The following VAPA variants were observed in gnomAD, a reference collection of about 807,000 sequenced individuals.
The protein encoded by VAPA is VAMP associated protein A.
Under a neutral mutation model 25.6 loss-of-function variants are expected in VAPA, and 6 were observed. The ratio of observed to expected loss-of-function variants is 0.23; its 90% CI spans 0.13 to 0.46. The LOEUF is 0.46. Among genes scored for constraint, VAPA ranks in the 20% least tolerant of loss-of-function variants. The pLI is 0.99. For synonymous variants in VAPA, 112 were observed against 106.2 expected, an observed-to-expected ratio of 1.05 and a Z score of -0.34; for missense variants, 244 against 302.1, an observed-to-expected ratio of 0.81 and a Z score of 1.43.
chr18:9,936,463 C>A (rs2069311100), intron 3 of VAPA: 1 of 265,916 alleles, frequency 3.8e-6, no homozygotes, highest in Non-Finnish European at 7.0e-6. Context: ...GTAATCCCAG[C>A]CCTTTGGGAG....
Position 9,954,232 on chromosome 18 carries a change from GTTTC to G in VAPA, c.*25_*28del, listed in dbSNP as rs746374819. The G allele has an allele frequency of 2.0e-6, 3 of 1,510,130 alleles. No homozygotes were observed. The highest frequency in any genetic ancestry group is 2.2e-5 in the Admixed American group (1 of 44,792). 93.5% of individuals were successfully genotyped at this position (1,510,130 alleles called of 1,614,324 possible). A position where few individuals can be genotyped will look rare whatever the true frequency, so the allele number is the denominator to read the frequency against. On this transcript the variant is annotated 3_prime_UTR_variant, in exon 6 of 6. Coordinates refer to ENST00000400000, the MANE Select transcript of VAPA (RefSeq NM_194434.3). The stretch of plus-strand genomic sequence containing the variant: ...TGTAGAGTGAAGCATGCAGAGTGCT[GTTTC>G]TTTTTTTTTTTTTCTCTTGACCAGA...
intron 1 of VAPA, chr18:9,914,672 C>T (rs1196559522): frequency 1.3e-5 from 2 of 151,004 alleles, no homozygotes; most frequent in African/African-American, 4.8e-5. Context: ...GCGCCGCGGT[C>T]CGCCTGGGCC....
At chr18:9,952,189 CTT>C (rs1168618127) in intron 5 of VAPA, among the ~76,000 whole-genome samples, 2 of 152,160 alleles carry the variant, frequency 1.3e-5, no homozygotes, top group East Asian at 3.8e-4. Flanking sequence ...GTGAGAGAGA[CTT>C]TATTCCTGGT....
chr18:9,916,275 A>G (rs958634321), intron 1 of VAPA, among the ~76,000 whole-genome samples: 1 of 152,208 alleles, frequency 6.6e-6, no homozygotes, highest in Non-Finnish European at 1.5e-5. Flanking sequence ...AATTACAGCT[A>G]TGATTATAGA....
At chr18:9,932,571 G>GT (rs1370419928) in intron 2 of VAPA, among the ~76,000 whole-genome samples, 1 of 152,162 alleles carries the variant, frequency 6.6e-6, no homozygotes, top group Non-Finnish European at 1.5e-5. Context: ...CCTATAAACT[G>GT]TTTCTTTCTT....
chr18:9,928,316 G>T (rs536260138), intron 1 of VAPA, among the ~76,000 whole-genome samples: 1 of 151,742 alleles, frequency 6.6e-6, no homozygotes, highest in African/African-American at 2.4e-5. Context: ...ATTGTTTTTC[G>T]TAAATAAAAG....
At chr18:9,925,504 A>C (rs138413046) in intron 1 of VAPA, among the ~76,000 whole-genome samples, 2 of 152,080 alleles carry the variant, frequency 1.3e-5, no homozygotes, top group African/African-American at 2.4e-5. Context: ...GTATTACTCT[A>C]TTTGTACAAA....
At chr18:9,928,964 A>C (rs900264936) in intron 1 of VAPA, among the ~76,000 whole-genome samples, 7 of 152,190 alleles carry the variant, frequency 4.6e-5, no homozygotes, top group African/African-American at 1.7e-4. Flanking sequence ...GTTTTAGGGC[A>C]TATAGGTAGA....
chr18:9,936,854 C>G (rs2069316295), intron 3 of VAPA, 132 bp from the exon 4 acceptor site: 2 of 634,616 alleles, frequency 3.2e-6, no homozygotes, highest in Non-Finnish European at 5.6e-6. Context: ...GCAGGGTGAT[C>G]AATAAAGAGT....
intron 1 of VAPA, 186 bp downstream of exon 1, chr18:9,914,521 C>T (rs2069093861): frequency 2.8e-6 from 1 of 360,194 alleles, no homozygotes; most frequent in Non-Finnish European, 4.9e-6. Context: ...CTTGCTCCGG[C>T]CCGCTTCATC....
intron 1 of VAPA, among the ~76,000 whole-genome samples, chr18:9,917,020 C>T (rs2069117226): frequency 6.6e-6 from 1 of 152,060 alleles, no homozygotes; most frequent in African/African-American, 2.4e-5. Flanking sequence ...CTGTATACCT[C>T]AGTATTTAAA....
chr18:9,944,345 C>T (rs2069399350), intron 4 of VAPA, among the ~76,000 whole-genome samples: 1 of 151,988 alleles, frequency 6.6e-6, no homozygotes, highest in Admixed American at 6.6e-5. Context: ...ATCCCTTTCC[C>T]ACCTGTTTGT....
intron 5 of VAPA, among the ~76,000 whole-genome samples, chr18:9,952,172 G>A (rs1767158422): frequency 6.6e-6 from 1 of 152,206 alleles, no homozygotes; most frequent in South Asian, 2.1e-4. Flanking sequence ...GTGAACCAGG[G>A]AAGTAGGTGA....
At chr18:9,936,267 T>C in intron 3 of VAPA, 54 bp downstream of exon 3, 3 of 1,136,616 alleles carry the variant, frequency 2.6e-6, no homozygotes, top group East Asian at 2.7e-5. Context: ...CTGTGGGTGT[T>C]GTTTAGCAGT....
At chr18:9,928,542 T>A (rs1019771774) in intron 1 of VAPA, among the ~76,000 whole-genome samples, 1 of 152,150 alleles carries the variant, frequency 6.6e-6, no homozygotes, top group Non-Finnish European at 1.5e-5. Context: ...CATTTTCAAT[T>A]AGTGAAGCAG....
chr18:9,944,188 T>C (rs2069397509), intron 4 of VAPA, among the ~76,000 whole-genome samples: 1 of 152,134 alleles, frequency 6.6e-6, no homozygotes, highest in Non-Finnish European at 1.5e-5. Flanking sequence ...TACTGATTTT[T>C]TTTAAATGAA....
intron 4 of VAPA, among the ~76,000 whole-genome samples, chr18:9,943,443 G>C (rs1374288980): frequency 6.6e-6 from 1 of 152,148 alleles, no homozygotes; most frequent in Non-Finnish European, 1.5e-5. Flanking sequence ...GGATCAGCAG[G>C]TGTGTGCCAA....
In VAPA at chr18:9,960,006, A is replaced by G. The variant is rs2143477711; in HGVS notation, c.*5795A>G. 6.6e-6 allele frequency: 1 copy of G among 152,218 alleles called. No individual in the cohort carries two copies. Among genetic ancestry groups the G allele is most frequent in the Middle Eastern group, 3.4e-3 (1 of 294 alleles). 9.4% of individuals were successfully genotyped at this position (152,218 alleles called of 1,614,324 possible). ...AACAAATACAAACGAGAATCAAAATAAAGTTTTGCAAAGTATTTCTTTGGG... is the reference window on the plus strand; with the variant it reads ...AACAAATACAAACGAGAATCAAAATGAAGTTTTGCAAAGTATTTCTTTGGG... On this transcript the variant is annotated 3_prime_UTR_variant, in exon 6 of 6. Coordinates refer to ENST00000400000, the MANE Select transcript of VAPA (RefSeq NM_194434.3).
intron 4 of VAPA, among the ~76,000 whole-genome samples, chr18:9,945,286 C>G (rs555789578): frequency 1.1e-3 from 161 of 147,954 alleles, no homozygotes; most frequent in Non-Finnish European, 1.6e-3. Context: ...GTGAGCAGGA[C>G]AGTATAAGTG....
Sources: gnomAD v4.1 joint callset for allele counts (sites outside exome capture counted in the v4.1 genomes callset) on GRCh38, gnomAD v4.1.1 for gene constraint, MANE v1.5 for transcripts, NCBI Gene and HGNC (gene_info 2026-07-23, HGNC 2026-07-21) for gene names.